Variants in SHISAL2A observed in about 807,000 individuals in gnomAD.
SHISAL2A encodes shisa like 2A.
In SHISAL2A, 18 loss-of-function variants were observed where a neutral mutation model predicts 11.5. The ratio of observed to expected loss-of-function variants is 1.57; its 90% CI spans 1.08 to 2.33. The LOEUF (loss-of-function observed/expected upper bound fraction) is 2.33, where lower values mean the gene tolerates loss of function less well. SHISAL2A is among the 30% of genes most tolerant of loss of function. SHISAL2A has a pLI of 0.00. For missense variants in SHISAL2A, 261 were observed against 250.9 expected (o/e 1.04, Z -0.27); for synonymous variants, 94 against 99.6 (o/e 0.94, Z 0.34).
At chr1:52,637,986 A>G (rs1267720406) in intron 1 of SHISAL2A, among the ~76,000 whole-genome samples, 1 of 152,158 alleles carries the variant, frequency 6.6e-6, no homozygotes, top group Non-Finnish European at 1.5e-5. Flanking sequence ...AGCTTCTCCC[A>G]TGACAGGGAC....
At chr1:52,650,569 T>C (rs1691611555) in intron 2 of SHISAL2A, among the ~76,000 whole-genome samples, 1 of 152,046 alleles carries the variant, frequency 6.6e-6, no homozygotes, top group African/African-American at 2.4e-5. Flanking sequence ...TGGCTGTCAT[T>C]TTCATTATTA....
intron 1 of SHISAL2A, among the ~76,000 whole-genome samples, chr1:52,635,541 T>C (rs1691219761): frequency 1.3e-5 from 2 of 152,016 alleles, no homozygotes; most frequent in African/African-American, 4.8e-5. Context: ...AGCCAGTTTA[T>C]TGGTATGGGT....
chr1:52,665,092 C>G (rs1254550416), intron 4 of SHISAL2A, among the ~76,000 whole-genome samples: 1 of 152,180 alleles, frequency 6.6e-6, no homozygotes, highest in Admixed American at 6.5e-5. Flanking sequence ...CCACCCACCC[C>G]TATGCGATGT....
Position 52,656,900 on chromosome 1 carries a change from G to A in SHISAL2A, c.433G>A (p.Glu145Lys). ...TTACTCCTGCTTGAACCCGCAGCTG[G>A]AGAGCAATGAGGGGCAGGCTGTGAA... is the stretch of plus-strand genomic sequence containing the variant. Reference protein sequence around the residue: ...QSYSCLNPQLESNEGQAVNSK... With the variant: ...QSYSCLNPQLKSNEGQAVNSK... Residue 145 changes from glutamate (E) to lysine (K), a missense_variant, in exon 3 of 3, where the codon GAG becomes AAG. Coordinates refer to ENST00000517870, the MANE Select transcript of SHISAL2A (RefSeq NM_001042693.3). 6.2e-7 allele frequency: 1 copy of A among 1,614,166 alleles called. No homozygotes were observed. Among genetic ancestry groups the A allele is most frequent in the Non-Finnish European group, 8.5e-7 (1 of 1,180,032 alleles).
rs570842096 is a variant in SHISAL2A at position 52,663,255 on chromosome 1, G to C, written n.695+3675G>C. On this transcript the variant is annotated intron_variant and non_coding_transcript_variant, in intron 4 of 5. Coordinates refer to the SHISAL2A transcript ENST00000401050. ...TCCCCATTTGAAATAGGGAAAAACT[G>C]AGACCCAGAGGCGTGAGGGATTTGC... is the stretch of plus-strand genomic sequence containing the variant. Among the ~76,000 whole-genome samples the C allele has an allele frequency of 5.3e-5, 8 of 152,098 alleles. No homozygotes were observed. The East Asian group carries it at 1.2e-3, about 22-fold the overall frequency.
chr1:52,665,196 T>A (rs1159558775), intron 4 of SHISAL2A, among the ~76,000 whole-genome samples: 2 of 152,222 alleles, frequency 1.3e-5, no homozygotes, highest in Non-Finnish European at 2.9e-5. Flanking sequence ...ATCTCCTAGA[T>A]TTCTTCCCAA....
At chr1:52,646,490 TATAC>T (rs770488458) in intron 2 of SHISAL2A, among the ~76,000 whole-genome samples, 4 of 86,456 alleles carry the variant, frequency 4.6e-5, no homozygotes, top group East Asian at 3.4e-4. Context: ...ATTAAATATC[TATAC>T]ACACACACAC....
intron 4 of SHISAL2A, among the ~76,000 whole-genome samples, chr1:52,665,819 T>G (rs1357117674): frequency 2.6e-5 from 4 of 152,104 alleles, no homozygotes; most frequent in Non-Finnish European, 5.9e-5. Context: ...TGGTGTTCCC[T>G]CCCTGATGGC....
At chr1:52,669,432 G>A (rs148881686) in exon 6 of SHISAL2A, 7,251 of 152,060 alleles carry the variant, frequency 0.048, 297 homozygotes, top group East Asian at 0.15. Flanking sequence ...TTGGGAGGCC[G>A]AGGCGGGTGG....
intron 4 of SHISAL2A, among the ~76,000 whole-genome samples, chr1:52,666,675 C>G (rs1438528178): frequency 2.0e-5 from 3 of 152,000 alleles, no homozygotes; most frequent in Non-Finnish European, 4.4e-5. Flanking sequence ...CTGTACCAGT[C>G]AAGATTCTCA....
chr1:52,654,473 T>C (rs1691747155), intron 2 of SHISAL2A, among the ~76,000 whole-genome samples: 1 of 152,172 alleles, frequency 6.6e-6, no homozygotes, highest in Non-Finnish European at 1.5e-5. Context: ...TAGATCAAAA[T>C]ATGGTCCAGA....
chr1:52,654,601 A>C (rs1691750152), intron 2 of SHISAL2A, among the ~76,000 whole-genome samples: 1 of 152,232 alleles, frequency 6.6e-6, no homozygotes. Context: ...TTCCATAAGT[A>C]AAAAATAAAC....
intron 2 of SHISAL2A, among the ~76,000 whole-genome samples, chr1:52,651,361 C>T (rs938461097): frequency 1.3e-5 from 2 of 151,982 alleles, no homozygotes; most frequent in Non-Finnish European, 2.9e-5. Flanking sequence ...CTCAGCCTCC[C>T]AAGTAGCTGG....
In SHISAL2A at chr1:52,640,505, T is replaced by C. The variant is rs1037872823; in HGVS notation, c.183-2358T>C. 1.3e-5 allele frequency among the ~76,000 whole-genome samples: 2 copies of C among 151,986 alleles called. 1 individual carries two copies. The highest frequency in any genetic ancestry group is 4.8e-5 in the African/African-American group (2 of 41,356). ...TTGGCCGGACACGGTAGCTCACGCCTGTAATCCCAGCACTTTGGGAGGTCA... is the reference window on the plus strand; with the variant it reads ...TTGGCCGGACACGGTAGCTCACGCCCGTAATCCCAGCACTTTGGGAGGTCA... On this transcript the variant is annotated intron_variant, in intron 1 of 2. Transcript: ENST00000517870.
At chr1:52,640,390 A>G (rs947988147) in intron 1 of SHISAL2A, among the ~76,000 whole-genome samples, 6 of 152,178 alleles carry the variant, frequency 3.9e-5, no homozygotes, top group Non-Finnish European at 7.3e-5. Flanking sequence ...ATAACACCTG[A>G]CACATAGTAG....
At chr1:52,640,228 T>A (rs966300236) in intron 1 of SHISAL2A, among the ~76,000 whole-genome samples, 1 of 152,118 alleles carries the variant, frequency 6.6e-6, no homozygotes, top group African/African-American at 2.4e-5. Context: ...AATTAGCCAT[T>A]AACTAACAGG....
At chr1:52,651,554 T>C (rs1445969666) in intron 2 of SHISAL2A, among the ~76,000 whole-genome samples, 2 of 147,304 alleles carry the variant, frequency 1.4e-5, no homozygotes, top group Non-Finnish European at 3.1e-5. Flanking sequence ...TTTTGTTTTC[T>C]TTTTTTTTGA....
intron 1 of SHISAL2A, among the ~76,000 whole-genome samples, chr1:52,638,028 G>A (rs971978837): frequency 3.3e-5 from 5 of 152,136 alleles, no homozygotes; most frequent in South Asian, 2.1e-4. Context: ...CATTCACCAT[G>A]GAACAACTCG....
At chr1:52,658,529 A>G (rs954292614), downstream of SHISAL2A, among the ~76,000 whole-genome samples, 8 of 152,206 alleles carry the variant, frequency 5.3e-5, no homozygotes, top group Admixed American at 1.3e-4. Context: ...CCTCTCATCT[A>G]TATAAGCTGG....
Sources: allele counts gnomAD v4.1 joint callset (sites outside exome capture counted in the v4.1 genomes callset), GRCh38; gene constraint gnomAD v4.1.1; transcripts MANE v1.5; gene names NCBI Gene and HGNC (gene_info 2026-07-23, HGNC 2026-07-21).